CACNG3: variants seen among roughly 807,000 people sequenced by gnomAD.
The protein encoded by CACNG3 is calcium voltage-gated channel auxiliary subunit gamma 3.
In CACNG3, 3 loss-of-function variants were observed where a neutral mutation model predicts 28.5. The observed-to-expected ratio is 0.11, with a 90% confidence interval of 0.05 to 0.27. The LOEUF (loss-of-function observed/expected upper bound fraction) is 0.27. Ranked by LOEUF, CACNG3 falls within the 10% of genes least tolerant of loss-of-function variation. CACNG3 has a pLI of 1.00. For missense variants in CACNG3, 236 were observed against 414.4 expected, an observed-to-expected ratio of 0.57 and a Z score of 3.74; for synonymous variants, 174 against 162.2, an observed-to-expected ratio of 1.07 and a Z score of -0.55.
chr16:24,259,489 G>C (rs1460304010), intron 1 of CACNG3, among the ~76,000 whole-genome samples: 1 of 152,114 alleles, frequency 6.6e-6, no homozygotes, highest in Non-Finnish European at 1.5e-5. Flanking sequence ...TCATTTTCTG[G>C]TCCTTTAAGT....
chr16:24,319,533 A>G (rs1288652502), intron 1 of CACNG3, among the ~76,000 whole-genome samples: 2 of 152,172 alleles, frequency 1.3e-5, no homozygotes, highest in African/African-American at 2.4e-5. Context: ...GGCTTACTGC[A>G]GACTTGACCT....
At chr16:24,312,959 A>AAAAGAAAGAAAGAG in intron 1 of CACNG3, among the ~76,000 whole-genome samples, 1 of 139,740 alleles carries the variant, frequency 7.2e-6, no homozygotes, top group South Asian at 2.3e-4. Flanking sequence ...AAGAAAGAGA[A>AAAAGAAAGAAAGAG]AGAAAGAAAA....
chr16:24,320,122 T>C (rs567628041), intron 1 of CACNG3, among the ~76,000 whole-genome samples: 2 of 152,314 alleles, frequency 1.3e-5, no homozygotes, highest in East Asian at 1.9e-4. Context: ...TGTTAAAGCA[T>C]GTGACATAAA....
At chr16:24,298,223 A>AT (rs1057359579) in intron 1 of CACNG3, among the ~76,000 whole-genome samples, 1 of 152,094 alleles carries the variant, frequency 6.6e-6, no homozygotes, top group African/African-American at 2.4e-5. Context: ...GATATTCTAC[A>AT]TTTTTTTGTA....
chr16:24,271,038 G>A (rs1209093137), intron 1 of CACNG3, among the ~76,000 whole-genome samples: 3 of 152,130 alleles, frequency 2.0e-5, no homozygotes, highest in Non-Finnish European at 4.4e-5. Context: ...AGTGCAGGCC[G>A]GGTCATGTAG....
At chr16:24,258,599 G>C (rs554237324) in intron 1 of CACNG3, among the ~76,000 whole-genome samples, 7 of 152,172 alleles carry the variant, frequency 4.6e-5, no homozygotes, top group Non-Finnish European at 1.5e-5. Flanking sequence ...GGATATTTGT[G>C]AGCATTTGTG....
rs57918697 is a variant in CACNG3 at position 24,327,126 on chromosome 16, C to CAAAAA, written c.212-19585_212-19581dup. Among the ~76,000 whole-genome samples, 309 of 35,832 alleles carry CAAAAA rather than the reference C, an allele frequency of 8.6e-3. 95 individuals carry two copies. Among genetic ancestry groups the CAAAAA allele is most frequent in the African/African-American group, 0.039 (295 of 7,552 alleles). The allele number at this position is 35,832 out of a possible 152,430, so 23.5% of individuals were successfully genotyped here. ...AGTGGCCAAGGCAGGGGCTCCAAAC[C>CAAAAA]AAAAAAAAAAAAAAAAAAAAAAAAA... On this transcript the variant is annotated intron_variant, in intron 1 of 3. Transcript: ENST00000005284.
rs145859028 is a variant in CACNG3, at chr16:24,336,864, G to A, written c.212-9870G>A. ...GAGTCTTCCTCTGTCACCTAAGCTG[G>A]AGTGTAGTGGTGTGATCATAGCTCA... On this transcript the variant is annotated intron_variant, in intron 1 of 3. Coordinates refer to ENST00000005284, the MANE Select transcript of CACNG3 (RefSeq NM_006539.4). Among the ~76,000 whole-genome samples the A allele has an allele frequency of 4.6e-3, 701 of 152,222 alleles. 3 individuals are homozygous for A. The highest frequency in any genetic ancestry group is 8.0e-3 in the Non-Finnish European group (547 of 68,020).
At chr16:24,346,414 TC>T (rs903980978) in intron 1 of CACNG3, among the ~76,000 whole-genome samples, 1 of 152,050 alleles carries the variant, frequency 6.6e-6, no homozygotes, top group African/African-American at 2.4e-5. Flanking sequence ...GTTGTCACTA[TC>T]AAAAAATGTT....
intron 1 of CACNG3, among the ~76,000 whole-genome samples, chr16:24,284,256 G>T (rs1898866195): frequency 6.6e-6 from 1 of 152,010 alleles, no homozygotes. Flanking sequence ...TCTGAGTTGC[G>T]GTAACTTGCT....
intron 1 of CACNG3, among the ~76,000 whole-genome samples, chr16:24,306,025 C>T (rs1899181358): frequency 6.6e-6 from 1 of 152,094 alleles, no homozygotes; most frequent in South Asian, 2.1e-4. Context: ...TGACCTCAGC[C>T]TCCTTCAGAT....
chr16:24,348,806 T>G (rs1383925081), intron 2 of CACNG3, among the ~76,000 whole-genome samples: 1 of 152,242 alleles, frequency 6.6e-6, no homozygotes, highest in Non-Finnish European at 1.5e-5. Flanking sequence ...TTTTTCTTTT[T>G]CATGTTGATA....
intron 1 of CACNG3, among the ~76,000 whole-genome samples, chr16:24,308,584 G>A (rs902712128): frequency 5.3e-5 from 8 of 151,984 alleles, no homozygotes; most frequent in East Asian, 1.9e-4. Context: ...GCCAGGCGCC[G>A]TGGCTCACAC....
At chr16:24,284,271 T>G (rs898059795) in intron 1 of CACNG3, among the ~76,000 whole-genome samples, 6 of 152,186 alleles carry the variant, frequency 3.9e-5, no homozygotes, top group Non-Finnish European at 8.8e-5. Flanking sequence ...CTTGCTGAAA[T>G]GATTTTCTAT....
At chr16:24,358,741 G>A (rs72781871) in intron 3 of CACNG3, among the ~76,000 whole-genome samples, 15,452 of 152,070 alleles carry the variant, frequency 0.1, 1,068 homozygotes, top group Non-Finnish European at 0.16. Flanking sequence ...AAGAGCTCTG[G>A]ATTCAAATCT....
At chr16:24,292,310 C>A (rs1898977728) in intron 1 of CACNG3, among the ~76,000 whole-genome samples, 1 of 152,160 alleles carries the variant, frequency 6.6e-6, no homozygotes, top group Admixed American at 6.5e-5. Context: ...TCCTTCTGGA[C>A]TCAGGCCACT....
Position 24,293,814 on chromosome 16 carries a change from G to A in CACNG3, c.211+36849G>A, listed in dbSNP as rs187869452. Among the ~76,000 whole-genome samples, 6 of 152,140 alleles carry A rather than the reference G, an allele frequency of 3.9e-5. No individual in the cohort carries two copies. In the East Asian group the frequency reaches 5.8e-4, roughly 15 times the overall value. Reference sequence around the variant, plus strand: ...CCAGCATCAGTCAGCAGATGTTCTCGAAAGAGCCAAGGGACACCTAGCAAG... The same window carrying A: ...CCAGCATCAGTCAGCAGATGTTCTCAAAAGAGCCAAGGGACACCTAGCAAG... On this transcript the variant is annotated intron_variant, in intron 1 of 3. Transcript: ENST00000005284.
chr16:24,281,062 A>C (rs965973459), intron 1 of CACNG3, among the ~76,000 whole-genome samples: 1 of 152,122 alleles, frequency 6.6e-6, no homozygotes, highest in Non-Finnish European at 1.5e-5. Context: ...CCAAATTCAC[A>C]AGGACACTGT....
chr16:24,302,333 C>A (rs1299497618), intron 1 of CACNG3, among the ~76,000 whole-genome samples: 1 of 152,216 alleles, frequency 6.6e-6, no homozygotes, highest in Non-Finnish European at 1.5e-5. Flanking sequence ...CAAAGAGTCA[C>A]CCTTGGACCA....
Sources: gnomAD v4.1 joint callset for allele counts (sites outside exome capture counted in the v4.1 genomes callset) on GRCh38, gnomAD v4.1.1 for gene constraint, MANE v1.5 for transcripts, NCBI Gene and HGNC (gene_info 2026-07-23, HGNC 2026-07-21) for gene names.